The following NWD2 variants were observed in gnomAD, a reference collection of about 807,000 sequenced individuals.
NWD2 encodes the protein NACHT and WD repeat domain containing 2.
NWD2 carries 37 observed loss-of-function variants against 132.7 expected under a neutral mutation model. The observed-to-expected ratio is 0.28, with a 90% CI of 0.21 to 0.37. NWD2 has a LOEUF of 0.37. Ranked by LOEUF, NWD2 falls within the 10% of genes least tolerant of loss-of-function variation. The pLI, the probability that NWD2 is intolerant of heterozygous loss-of-function variation, is 1.00. For synonymous variants in NWD2, 705 were observed against 803.0 expected (o/e 0.88, Z 2.06); for missense variants, 1,592 against 2,122.4 (o/e 0.75, Z 4.91).
chr4:37,356,107 C>A (rs866570450), intron 2 of NWD2, among the ~76,000 whole-genome samples: 15 of 152,224 alleles, frequency 9.9e-5, no homozygotes, highest in Non-Finnish European at 8.8e-5. Flanking sequence ...GCCCGTGCTC[C>A]AAAACCTTCA....
At chr4:37,435,957 A>G (rs1712310563) in intron 5 of NWD2, among the ~76,000 whole-genome samples, 2 of 152,218 alleles carry the variant, frequency 1.3e-5, no homozygotes, top group Admixed American at 6.5e-5. Flanking sequence ...AAATCTTGAA[A>G]TAAGAATACT....
At chr4:37,393,767 GTTAAC>G (rs1406836280) in intron 3 of NWD2, among the ~76,000 whole-genome samples, 3 of 152,140 alleles carry the variant, frequency 2.0e-5, no homozygotes, top group East Asian at 1.9e-4. Context: ...CAGATTTCCT[GTTAAC>G]TTAACATCCC....
At chr4:37,256,402 A>G (rs1446989675) in intron 1 of NWD2, among the ~76,000 whole-genome samples, 1 of 152,172 alleles carries the variant, frequency 6.6e-6, no homozygotes, top group African/African-American at 2.4e-5. Flanking sequence ...CTAAAGGGAG[A>G]AGAATGTGTT....
chr4:37,374,342 G>A (rs1230098020), intron 3 of NWD2, among the ~76,000 whole-genome samples: 1 of 152,166 alleles, frequency 6.6e-6, no homozygotes, highest in African/African-American at 2.4e-5. Flanking sequence ...TTGTTGTACA[G>A]CCTGCAGAAC....
At chr4:37,347,315 AT>A (rs1257791161) in intron 2 of NWD2, among the ~76,000 whole-genome samples, 2 of 152,128 alleles carry the variant, frequency 1.3e-5, no homozygotes, top group African/African-American at 4.8e-5. Context: ...TCATAGACAT[AT>A]GTTCTAATTT....
At chr4:37,371,073 TTTTTC>T (rs1720217792) in intron 3 of NWD2, among the ~76,000 whole-genome samples, 3 of 16,112 alleles carry the variant, frequency 1.9e-4, no homozygotes, top group Non-Finnish European at 3.4e-4. Context: ...TTTTTTTTTC[TTTTTC>T]TTTTTTTTTT....
At chr4:37,428,905 T>C (rs1292949486) in intron 3 of NWD2, among the ~76,000 whole-genome samples, 1 of 152,202 alleles carries the variant, frequency 6.6e-6, no homozygotes, top group African/African-American at 2.4e-5. Context: ...CTAGTTTTTG[T>C]ATTTTTAGTA....
chr4:37,274,177 C>A (rs1469673834), intron 1 of NWD2, among the ~76,000 whole-genome samples: 3 of 151,956 alleles, frequency 2.0e-5, no homozygotes, highest in Admixed American at 2.0e-4. Flanking sequence ...AATTGATAGA[C>A]CGCTAGCAAG....
chr4:37,394,011 T>C (rs930650520), intron 3 of NWD2, among the ~76,000 whole-genome samples: 6 of 152,214 alleles, frequency 3.9e-5, no homozygotes, highest in African/African-American at 9.7e-5. Context: ...GAAAATTAAT[T>C]GGGGAAGAGA....
At chr4:37,307,796 G>A (rs942025794) in intron 1 of NWD2, among the ~76,000 whole-genome samples, 1 of 151,918 alleles carries the variant, frequency 6.6e-6, no homozygotes, top group Non-Finnish European at 1.5e-5. Context: ...AAGTCTCGTA[G>A]GCTTTCTTTA....
In NWD2 at chr4:37,446,392, T is replaced by C. The variant is rs1560258301; in HGVS notation, c.4404T>C (p.Ser1468=). The change falls in exon 7 of 7, where the codon AGT becomes AGC. Residue 1468 remains serine (S), a synonymous_variant. Coordinates refer to ENST00000309447, the MANE Select transcript of NWD2 (RefSeq NM_001144990.2). This position sits in a 1 kb window ranked among gnomAD's most constrained non-coding sequence, Gnocchi z 6.7. ...TGGCAGTCAGTCTTTGGACAGGAAGTATCACCAAGAAATTTTGCTGTGAAG... is the reference window on the plus strand; with the variant it reads ...TGGCAGTCAGTCTTTGGACAGGAAGCATCACCAAGAAATTTTGCTGTGAAG... ...KVLAVSLWTG[S]ITKKFCCEDG... 6.4e-7 allele frequency: 1 copy of C among 1,551,780 alleles called. No individual in the cohort carries two copies.
intron 3 of NWD2, among the ~76,000 whole-genome samples, chr4:37,410,651 A>G (rs911934996): frequency 8.5e-5 from 13 of 152,208 alleles, no homozygotes; most frequent in African/African-American, 3.1e-4. Flanking sequence ...CGGAACTAAT[A>G]GACATCTACT....
intron 1 of NWD2, among the ~76,000 whole-genome samples, chr4:37,253,545 G>A (rs902862086): frequency 2.0e-5 from 3 of 152,102 alleles, no homozygotes; most frequent in African/African-American, 7.2e-5. Flanking sequence ...GGTTAAATGA[G>A]GTAAAGGGAG....
At position 37,446,568 on chromosome 4, in the gene NWD2, T is replaced by C. The variant is rs767938532; in HGVS notation, c.4580T>C (p.Leu1527Pro). 1.9e-6 allele frequency: 3 copies of C among 1,551,666 alleles called. No homozygotes were observed. The highest frequency in any genetic ancestry group is 2.4e-5 in the South Asian group (2 of 84,058). Residue 1527 changes from leucine to proline, a missense_variant, in exon 7 of 7, where the codon CTG becomes CCG. Physicochemically the swap from Leu to Pro is moderately conservative, Grantham distance 98. Coordinates refer to ENST00000309447, the MANE Select transcript of NWD2 (RefSeq NM_001144990.2). The surrounding 1 kb of genome is among the most constrained non-coding windows in gnomAD (Gnocchi z 6.7). The part of the protein sequence containing the change: ...VQLPNNFLKN[L>P]EDFEISPNGK... ...CTTCCAAACAACTTCTTGAAAAATCTGGAGGACTTTGAAATTTCTCCCAAT... is the reference window on the plus strand; with the variant it reads ...CTTCCAAACAACTTCTTGAAAAATCCGGAGGACTTTGAAATTTCTCCCAAT...
At chr4:37,328,736 C>T (rs1031204137) in intron 2 of NWD2, among the ~76,000 whole-genome samples, 6 of 152,058 alleles carry the variant, frequency 3.9e-5, no homozygotes, top group African/African-American at 1.4e-4. Context: ...GCTGAAAATT[C>T]CAGAAACCAG....
intron 3 of NWD2, among the ~76,000 whole-genome samples, chr4:37,417,675 A>G (rs1056864329): frequency 2.0e-5 from 3 of 152,158 alleles, no homozygotes; most frequent in Admixed American, 1.3e-4. Context: ...ATCATTTCCC[A>G]CAAGGAGGAG....
At chr4:37,315,083 A>G (rs887037582) in intron 1 of NWD2, among the ~76,000 whole-genome samples, 5 of 152,168 alleles carry the variant, frequency 3.3e-5, no homozygotes, top group African/African-American at 1.2e-4. Flanking sequence ...ATTTCCAAAA[A>G]TCTGGAAGCT....
At chr4:37,419,258 A>G (rs1711735384) in intron 3 of NWD2, among the ~76,000 whole-genome samples, 1 of 152,236 alleles carries the variant, frequency 6.6e-6, no homozygotes, top group Admixed American at 6.5e-5. Flanking sequence ...CTCAAGATGG[A>G]TTAAAGACTT....
intron 1 of NWD2, among the ~76,000 whole-genome samples, chr4:37,268,235 C>T (rs939612592): frequency 1.3e-5 from 2 of 151,856 alleles, no homozygotes; most frequent in Non-Finnish European, 2.9e-5. Flanking sequence ...CCAAATGAAG[C>T]CCGTATTATC....
Sources: gnomAD v4.1 joint callset for allele counts (sites outside exome capture counted in the v4.1 genomes callset) on GRCh38, gnomAD v4.1.1 for gene constraint, Gnocchi (gnomAD v3.1) non-coding constraint, MANE v1.5 for transcripts, NCBI Gene and HGNC (gene_info 2026-07-23, HGNC 2026-07-21) for gene names.